Variants in PFKFB2 observed in about 807,000 individuals in gnomAD.
The protein encoded by PFKFB2 is 6-phosphofructo-2-kinase/fructose-2,6-bisphosphatase 2.
In PFKFB2, 53 loss-of-function variants were observed where a neutral mutation model predicts 68.0. That is an observed-to-expected ratio of 0.78 (90% CI 0.63 to 0.98). PFKFB2 has a LOEUF of 0.98. Ranked by LOEUF, PFKFB2 falls within the 50% of genes least tolerant of loss-of-function variation. The probability of loss-of-function intolerance (pLI) is 0.00; values close to 1 mark genes in which losing one functional copy is unlikely to be tolerated. For missense variants in PFKFB2, 451 were observed against 642.0 expected, an observed-to-expected ratio of 0.70 and a Z score of 3.22; for synonymous variants, 222 against 227.6, an observed-to-expected ratio of 0.98 and a Z score of 0.22.
intron 1 of PFKFB2, among the ~76,000 whole-genome samples, chr1:207,036,049 T>G (rs561486763): frequency 2.3e-4 from 35 of 152,254 alleles, no homozygotes; most frequent in African/African-American, 7.2e-4. Flanking sequence ...CATGATCTCA[T>G]GTGAGAACTT....
intron 7 of PFKFB2, 102 bp from the exon 8 acceptor site, chr1:207,064,934 C>T (rs1263398085): frequency 7.4e-7 from 1 of 1,352,520 alleles, no homozygotes; most frequent in Non-Finnish European, 1.0e-6. Flanking sequence ...TGAAAGGCGA[C>T]ATTTATGGAC....
In PFKFB2 at chr1:207,071,120, T is replaced by G. The variant is rs1231602287; in HGVS notation, c.1223-68T>G. 2.4e-6 allele frequency: 3 copies of G among 1,241,230 alleles called. No individual in the cohort carries two copies. The Admixed American group carries it at 5.2e-5, about 21-fold the overall frequency. 76.9% of individuals were successfully genotyped at this position (1,241,230 alleles called of 1,614,324 possible). On this transcript the variant is annotated intron_variant, in intron 12 of 14. Coordinates refer to ENST00000367080, the MANE Select transcript of PFKFB2 (RefSeq NM_006212.2). ...CTCATTATGAGCTCTGTAGATTCTT[T>G]CTTCCACTAACTTGACCTTACTCCA...
chr1:207,080,337 T>C (rs1313043421), downstream of PFKFB2: 1 of 152,224 alleles, frequency 6.6e-6, no homozygotes, highest in Non-Finnish European at 1.5e-5. Flanking sequence ...AGTAATGATA[T>C]GTAGCTTTTC....
At chr1:207,056,557 A>G (rs1452448910) in intron 2 of PFKFB2, among the ~76,000 whole-genome samples, 1 of 151,352 alleles carries the variant, frequency 6.6e-6, no homozygotes, top group Non-Finnish European at 1.5e-5. Context: ...CTGCTTTCCT[A>G]ACTCTTCTGT....
downstream of PFKFB2, among the ~76,000 whole-genome samples, chr1:207,078,556 G>A (rs1303401363): frequency 6.6e-6 from 1 of 152,144 alleles, no homozygotes; most frequent in African/African-American, 2.4e-5. Flanking sequence ...TAAAATAGTA[G>A]GGACCCTCCT....
At chr1:207,037,213 T>C (rs1207768492) in intron 1 of PFKFB2, among the ~76,000 whole-genome samples, 1 of 152,214 alleles carries the variant, frequency 6.6e-6, no homozygotes, top group Non-Finnish European at 1.5e-5. Context: ...TTCTATAACA[T>C]CCAACACAGC....
chr1:207,052,200 C>G (rs1682769710), upstream of PFKFB2: 12 of 1,612,780 alleles, frequency 7.4e-6, no homozygotes, highest in Non-Finnish European at 9.3e-6. Flanking sequence ...CTGTAAAAGA[C>G]TTTGCTTCTG....
At chr1:207,045,866 A>G (rs1419574320) in intron 2 of PFKFB2, 1 of 152,082 alleles carries the variant, frequency 6.6e-6, no homozygotes, top group Non-Finnish European at 1.5e-5. Flanking sequence ...TGACTACATT[A>G]GTTGTTAAAA....
upstream of PFKFB2, among the ~76,000 whole-genome samples, chr1:207,052,479 T>C (rs77055190): frequency 4.6e-5 from 7 of 152,228 alleles, no homozygotes; most frequent in East Asian, 1.4e-3. Flanking sequence ...CTCATCAATA[T>C]GGAGAAACCC....
chr1:207,071,292 G>A (rs1409385396), intron 13 of PFKFB2, 42 bp downstream of exon 13: 3 of 1,523,216 alleles, frequency 2.0e-6, no homozygotes, highest in Non-Finnish European at 2.7e-6. Flanking sequence ...GGGAATTGAG[G>A]AAGGTCAGAA....
At chr1:207,064,877 C>T (rs547306553) in intron 7 of PFKFB2, among the ~76,000 whole-genome samples, 159 bp from the exon 8 acceptor site, 3 of 83,658 alleles carry the variant, frequency 3.6e-5, no homozygotes, top group African/African-American at 1.4e-4. Flanking sequence ...CAGGACGGGG[C>T]GGGGCGGGGC....
At chr1:207,057,365 C>A (rs1166244168) in intron 2 of PFKFB2, among the ~76,000 whole-genome samples, 1 of 144,620 alleles carries the variant, frequency 6.9e-6, no homozygotes, top group Non-Finnish European at 1.5e-5. Context: ...GTAGTCCCAG[C>A]TACTCGGGAA....
chr1:207,069,385 G>A, intron 10 of PFKFB2, 39 bp from the exon 11 acceptor site: 1 of 1,373,696 alleles, frequency 7.3e-7, no homozygotes, highest in South Asian at 1.2e-5. Context: ...GTGTGGTACA[G>A]TCTATCTCTT....
Position 207,070,781 on chromosome 1 carries a change from G to T in PFKFB2, c.1222+372G>T. On this transcript the variant is annotated intron_variant, in intron 12 of 14. Transcript: ENST00000367080. The surrounding 1 kb of genome is among the most constrained non-coding windows in gnomAD (Gnocchi z 4.2). Reference sequence around the variant, plus strand: ...TGTTTCTGGGTAAGGGCAGTAAGAAGGTGCCGTTGCCTTCTTCCATACTTC... The same window carrying T: ...TGTTTCTGGGTAAGGGCAGTAAGAATGTGCCGTTGCCTTCTTCCATACTTC... 3.5e-6 allele frequency: 1 copy of T among 283,232 alleles called. No individual in the cohort carries two copies. The highest frequency in any genetic ancestry group is 6.8e-6 in the Non-Finnish European group (1 of 146,930). 17.5% of individuals were successfully genotyped at this position (283,232 alleles called of 1,614,324 possible). A position where few individuals can be genotyped will look rare whatever the true frequency, so the allele number is the denominator to read the frequency against.
intron 2 of PFKFB2, chr1:207,044,089 A>G (rs2102319615): frequency 6.6e-6 from 1 of 152,618 alleles, no homozygotes; most frequent in South Asian, 2.1e-4. Context: ...GCATTAAGAA[A>G]AAATATTTTC....
Position 207,071,490 on chromosome 1 carries a change from C to T in PFKFB2, c.1286-19C>T. 5.6e-6 allele frequency: 9 copies of T among 1,607,050 alleles called. No homozygotes were observed. Among genetic ancestry groups the T allele is most frequent in the Non-Finnish European group, 7.7e-6 (9 of 1,173,698 alleles). On this transcript the variant is annotated intron_variant, in intron 13 of 14. Transcript: ENST00000367080. ...TTGAACCTTTTTCTTTAAGTCCTCT[C>T]TTTCCTCTGTTTTCTCAGGGTGCAA...
chr1:207,052,483 G>T (rs2102331863), upstream of PFKFB2, among the ~76,000 whole-genome samples: 1 of 152,232 alleles, frequency 6.6e-6, no homozygotes, highest in East Asian at 1.9e-4. Context: ...TCAATATGGA[G>T]AAACCCCGTC....
intron 1 of PFKFB2, among the ~76,000 whole-genome samples, chr1:207,054,055 C>A (rs771107219): frequency 8.6e-5 from 13 of 151,792 alleles, no homozygotes; most frequent in Non-Finnish European, 1.3e-4. Flanking sequence ...AGGCGCGCAC[C>A]ACCAGGCCCG....
chr1:207,049,689 C>A (rs1010707876), upstream of PFKFB2: 2 of 1,613,938 alleles, frequency 1.2e-6, no homozygotes, highest in Non-Finnish European at 1.7e-6. Flanking sequence ...AACTTCTGGG[C>A]CTGGTTTGGT....
Sources: allele counts gnomAD v4.1 joint callset (sites outside exome capture counted in the v4.1 genomes callset), GRCh38; gene constraint gnomAD v4.1.1; non-coding constraint Gnocchi (gnomAD v3.1); transcripts MANE v1.5; gene names NCBI Gene and HGNC (gene_info 2026-07-23, HGNC 2026-07-21).